Variants in PLCG2 observed in about 807,000 individuals in gnomAD.
PLCG2 encodes phospholipase C gamma 2.
Under a neutral mutation model 175.6 loss-of-function variants are expected in PLCG2, and 69 were observed. The observed-to-expected ratio is 0.39, with a 90% CI of 0.32 to 0.48. PLCG2 has a LOEUF of 0.48. PLCG2 is among the 20% of genes least tolerant of loss of function. PLCG2 has a pLI of 0.91. For synonymous variants in PLCG2, 827 were observed against 624.0 expected (o/e 1.33, Z -4.85); for missense variants, 1,798 against 1,650.9 (o/e 1.09, Z -1.54).
chr16:81,753,500 C>T (rs117493392), intron 1 of PLCG2, among the ~76,000 whole-genome samples: 1 of 151,462 alleles, frequency 6.6e-6, no homozygotes, highest in Admixed American at 6.6e-5. Context: ...CTCACTGATG[C>T]CTCCACCTCC....
intron 22 of PLCG2, among the ~76,000 whole-genome samples, chr16:81,925,104 GC>G (rs931168763): frequency 6.6e-6 from 1 of 152,224 alleles, no homozygotes; most frequent in Non-Finnish European, 1.5e-5. Context: ...ATGGCCTCAT[GC>G]CTTTCTATGC....
At chr16:81,759,085 A>G (rs1389507756) in intron 2 of PLCG2, among the ~76,000 whole-genome samples, 1 of 152,168 alleles carries the variant, frequency 6.6e-6, no homozygotes, top group Non-Finnish European at 1.5e-5. Context: ...ATTATCAGTC[A>G]TTTGTATATT....
rs150014459 is a variant in PLCG2 at position 81,925,781 on chromosome 16, C to T, written c.2418-1301C>T. Among the ~76,000 whole-genome samples the T allele has an allele frequency of 6.3e-4, 95 of 151,732 alleles. No homozygotes were observed. In the East Asian group the frequency reaches 0.018, roughly 28 times the overall value. Reference sequence around the variant, plus strand: ...CCCATGCCATAATCCCAGCTACTGGCGGGGCTGAGGCAGGAGAATTGCTTG... The same window carrying T: ...CCCATGCCATAATCCCAGCTACTGGTGGGGCTGAGGCAGGAGAATTGCTTG... On this transcript the variant is annotated intron_variant, in intron 22 of 32. Coordinates refer to ENST00000564138, the MANE Select transcript of PLCG2 (RefSeq NM_002661.5).
chr16:81,864,802 G>A (rs760345350), intron 5 of PLCG2, among the ~76,000 whole-genome samples: 8 of 152,156 alleles, frequency 5.3e-5, no homozygotes, highest in Non-Finnish European at 1.2e-4. Context: ...GCCTGGGTGC[G>A]GGAGTTGAAG....
At chr16:81,772,935 C>A (rs1379016362) in intron 2 of PLCG2, among the ~76,000 whole-genome samples, 1 of 152,240 alleles carries the variant, frequency 6.6e-6, no homozygotes, top group Non-Finnish European at 1.5e-5. Flanking sequence ...CCTATGACCA[C>A]TGCAGGACCC....
intron 5 of PLCG2, among the ~76,000 whole-genome samples, chr16:81,865,529 C>G (rs1907185133): frequency 6.6e-6 from 1 of 152,194 alleles, no homozygotes; most frequent in South Asian, 2.1e-4. Context: ...GCTCAAGCCC[C>G]TGGTTCCTGG....
intron 9 of PLCG2, among the ~76,000 whole-genome samples, chr16:81,885,053 A>AT (rs36126447): frequency 1.3e-3 from 181 of 139,282 alleles, no homozygotes; most frequent in South Asian, 3.4e-3. Context: ...ATGCCTGACA[A>AT]TTTTTTTTTT....
At chr16:81,845,497 C>A (rs544894722) in intron 2 of PLCG2, among the ~76,000 whole-genome samples, 1 of 152,374 alleles carries the variant, frequency 6.6e-6, no homozygotes, top group East Asian at 1.9e-4. Flanking sequence ...CCAAAGCTAT[C>A]TGCTATAAGC....
At chr16:81,772,799 A>T (rs1239057305) in intron 2 of PLCG2, among the ~76,000 whole-genome samples, 1 of 142,484 alleles carries the variant, frequency 7.0e-6, no homozygotes, top group Non-Finnish European at 1.6e-5. Flanking sequence ...ATAGAGTGAG[A>T]CTCCATCTCC....
intron 13 of PLCG2, among the ~76,000 whole-genome samples, chr16:81,896,898 C>G (rs1209046083): frequency 3.9e-5 from 6 of 152,218 alleles, no homozygotes; most frequent in African/African-American, 2.4e-5. Context: ...AGGTTCATTT[C>G]AAGGGTTTCT....
At chr16:81,913,737 G>T (rs1282696055) in intron 19 of PLCG2, among the ~76,000 whole-genome samples, 1 of 152,192 alleles carries the variant, frequency 6.6e-6, no homozygotes, top group African/African-American at 2.4e-5. Context: ...AGCTACTGTG[G>T]GGTGTGTGGT....
intron 9 of PLCG2, among the ~76,000 whole-genome samples, chr16:81,886,221 C>T (rs1301561632): frequency 1.3e-5 from 2 of 152,196 alleles, no homozygotes; most frequent in Non-Finnish European, 2.9e-5. Context: ...GTGCTTTCCC[C>T]AAACGGGGCC....
chr16:81,919,757 C>T, intron 20 of PLCG2, 93 bp downstream of exon 20: 1 of 1,072,586 alleles, frequency 9.3e-7, no homozygotes, highest in Non-Finnish European at 1.4e-6. Flanking sequence ...TGAGTATTCA[C>T]CATGTATCTG....
chr16:81,935,943 TA>T (rs1249521587), intron 26 of PLCG2: 14 of 984,726 alleles, frequency 1.4e-5, no homozygotes, highest in Non-Finnish European at 1.7e-5. Context: ...AATTCTAGCC[TA>T]AAAGGTGGTG....
intron 2 of PLCG2, among the ~76,000 whole-genome samples, chr16:81,843,407 C>T (rs1006174402): frequency 4.6e-5 from 7 of 152,176 alleles, no homozygotes; most frequent in South Asian, 2.1e-4. Flanking sequence ...TGAAAACACA[C>T]TGGAGAGGAA....
chr16:81,909,706 A>C (rs146093305), intron 17 of PLCG2, among the ~76,000 whole-genome samples: 55 of 152,274 alleles, frequency 3.6e-4, no homozygotes, highest in African/African-American at 1.3e-3. Flanking sequence ...AAGCCATTGC[A>C]CCTGGCTGAA....
intron 1 of PLCG2, among the ~76,000 whole-genome samples, chr16:81,745,852 T>G (rs1473688982): frequency 1.3e-5 from 2 of 152,200 alleles, no homozygotes; most frequent in African/African-American, 4.8e-5. Context: ...CTTTCAGCTA[T>G]CCATTCAGAG....
intron 13 of PLCG2, among the ~76,000 whole-genome samples, chr16:81,899,200 A>C (rs972473848): frequency 6.6e-6 from 1 of 151,926 alleles, no homozygotes; most frequent in African/African-American, 2.4e-5. Flanking sequence ...AAAGAAAAAT[A>C]AATAAATAAA....
At chr16:81,808,567 C>G (rs955520771) in intron 2 of PLCG2, among the ~76,000 whole-genome samples, 1 of 152,110 alleles carries the variant, frequency 6.6e-6, no homozygotes, top group Non-Finnish European at 1.5e-5. Flanking sequence ...GATCTCGGCT[C>G]GCTACAACCT....
Sources: allele counts gnomAD v4.1 joint callset (sites outside exome capture counted in the v4.1 genomes callset), GRCh38; gene constraint gnomAD v4.1.1; transcripts MANE v1.5; gene names NCBI Gene and HGNC (gene_info 2026-07-23, HGNC 2026-07-21).